Variants in TENM1 observed in about 807,000 individuals in gnomAD.
TENM1 encodes teneurin-1.
TENM1 carries 35 observed loss-of-function variants against 174.8 expected under a neutral mutation model. The ratio of observed to expected loss-of-function variants is 0.20; its 90% CI spans 0.15 to 0.27. The LOEUF (loss-of-function observed/expected upper bound fraction) is 0.27, where lower values mean the gene tolerates loss of function less well. Ranked by LOEUF, TENM1 falls within the 10% of genes least tolerant of loss-of-function variation. The probability of loss-of-function intolerance (pLI) is 1.00; values close to 1 mark genes in which losing one functional copy is unlikely to be tolerated. For synonymous variants in TENM1, 781 were observed against 798.7 expected, an observed-to-expected ratio of 0.98 and a Z score of 0.37; for missense variants, 1,633 against 2,130.1, an observed-to-expected ratio of 0.77 and a Z score of 4.59.
At chrX:124,618,214 T>C (rs1042990182) in intron 11 of TENM1, among the ~76,000 whole-genome samples, 3 of 111,637 alleles carry the variant, frequency 2.7e-5, no homozygotes, top group Non-Finnish European at 5.6e-5. Context: ...TATTGGATTA[T>C]CCATCCTATC....
the TENM1 span, among the ~76,000 whole-genome samples, chrX:125,066,767 T>C: frequency 5.3e-5 from 6 of 112,221 alleles, no homozygotes; most frequent in Non-Finnish European, 1.1e-4. Context: ...ATGCTACATA[T>C]TCAGTGCAGA....
At chrX:124,581,255 C>T (rs376454739) in intron 11 of TENM1, among the ~76,000 whole-genome samples, 7 of 109,534 alleles carry the variant, frequency 6.4e-5, no homozygotes, top group African/African-American at 2.3e-4. Flanking sequence ...TTAGTAGAGA[C>T]AGGGTTTCAC....
At chrX:124,655,682 A>G (rs6649274) in intron 6 of TENM1, among the ~76,000 whole-genome samples, 1 of 112,642 alleles carries the variant, frequency 8.9e-6, no homozygotes, top group East Asian at 2.8e-4. Flanking sequence ...GTTAAGGCCA[A>G]CAGTAATAAC....
Position 124,778,209 on chromosome X carries a change from G to A in TENM1, c.536-41012C>T, listed in dbSNP as rs751957280. Reference sequence around the variant, plus strand: ...CCTGGAGAATCTGCAACTGGCCTGCGCACTGGGAGGACGAGGTGGAGCCCC... The same window carrying A: ...CCTGGAGAATCTGCAACTGGCCTGCACACTGGGAGGACGAGGTGGAGCCCC... On this transcript the variant is annotated intron_variant, in intron 3 of 31. Coordinates refer to ENST00000422452, the Ensembl canonical transcript of TENM1. 1.7e-4 allele frequency among the ~76,000 whole-genome samples: 19 copies of A among 112,767 alleles called. No individual in the cohort carries two copies. In the South Asian group the frequency reaches 4.0e-3, roughly 24 times the overall value.
In TENM1 at chrX:124,400,575, T is replaced by A. The variant is rs73546618; in HGVS notation, c.5391+4456A>T. Among the ~76,000 whole-genome samples the A allele has an allele frequency of 3.8e-3, 428 of 112,412 alleles. 3 individuals are homozygous for A. Among genetic ancestry groups the A allele is most frequent in the African/African-American group, 0.013 (397 of 30,931 alleles). The stretch of plus-strand genomic sequence containing the variant: ...TTTTATAATTTTGGTCATAAAGTGC[T>A]AAGCCCCCTCCATTGTTTTTCTTTT... On this transcript the variant is annotated intron_variant, in intron 27 of 31. Transcript: ENST00000422452.
chrX:125,040,651 GTCC>G, the TENM1 span, among the ~76,000 whole-genome samples: 1 of 111,045 alleles, frequency 9.0e-6, no homozygotes, highest in South Asian at 3.7e-4. Context: ...ATCATCAACT[GTCC>G]TCCTAATTAG....
chrX:124,497,065 CA>C lies in TENM1; in HGVS notation c.3645del (p.Phe1215LeufsTer2). On this transcript the variant is annotated frameshift_variant, in exon 20 of 32. Transcript: ENST00000422452. LOFTEE classifies it high-confidence loss of function. ...TTTCCCGAGGGAAATATTCTCCTTA[CA>C]AAATTGAAGTCGCCAACATACACAC... 8.3e-7 allele frequency: 1 copy of C among 1,209,900 alleles called. No homozygotes were observed. Among genetic ancestry groups the C allele is most frequent in the Non-Finnish European group, 1.1e-6 (1 of 894,284 alleles).
At chrX:124,947,961 A>C (rs1720913972) in intron 1 of TENM1, among the ~76,000 whole-genome samples, 1 of 112,110 alleles carries the variant, frequency 8.9e-6, no homozygotes, top group Non-Finnish European at 1.9e-5. Flanking sequence ...TTAGTTAGGA[A>C]GGCCATCTGT....
chrX:124,426,784 G>A (rs994015195), intron 23 of TENM1, among the ~76,000 whole-genome samples: 1 of 112,255 alleles, frequency 8.9e-6, no homozygotes, highest in African/African-American at 3.2e-5. Context: ...ATGTTCTACA[G>A]AGCCTTTCAG....
At chrX:125,195,622 A>G in the TENM1 span, among the ~76,000 whole-genome samples, 4 of 111,577 alleles carry the variant, frequency 3.6e-5, no homozygotes, top group Non-Finnish European at 5.7e-5. Flanking sequence ...GTCACACCTA[A>G]GTGTTGCGAT....
In TENM1 at chrX:124,398,223, TA is replaced by T. The variant is rs1210784703; in HGVS notation, c.5392-5876del. 1.7e-3 allele frequency among the ~76,000 whole-genome samples: 164 copies of T among 96,885 alleles called. 1 individual carries two copies. Among genetic ancestry groups the T allele is most frequent in the Middle Eastern group, 5.0e-3 (1 of 201 alleles). The allele number at this position is 96,885 out of a possible 115,157, so 84.1% of individuals were successfully genotyped here. Reference sequence around the variant, plus strand: ...AGCCTGGGCGACAGAGCAAGACTCTTAAAAAAAAAAAAAAGTCACAGTTGAT... The same window carrying T: ...AGCCTGGGCGACAGAGCAAGACTCTTAAAAAAAAAAAAAGTCACAGTTGAT... On this transcript the variant is annotated intron_variant, in intron 27 of 31. Transcript: ENST00000422452.
intron 1 of TENM1, among the ~76,000 whole-genome samples, chrX:124,915,595 T>A (rs1188155401): frequency 8.9e-6 from 1 of 112,399 alleles, no homozygotes; most frequent in African/African-American, 3.2e-5. Context: ...ATAACCAGTA[T>A]CCAAAAAACT....
At chrX:125,069,935 G>T in the TENM1 span, among the ~76,000 whole-genome samples, 5 of 110,437 alleles carry the variant, frequency 4.5e-5, no homozygotes, top group African/African-American at 9.9e-5. Flanking sequence ...GTAATAGCCA[G>T]ATTGGCCTGG....
chrX:124,431,872 A>G (rs1253153229), intron 23 of TENM1, among the ~76,000 whole-genome samples: 1 of 112,210 alleles, frequency 8.9e-6, no homozygotes, highest in Non-Finnish European at 1.9e-5. Context: ...GGTCAAATGC[A>G]TTGGCATGGT....
chrX:124,525,463 G>A (rs1332739882), intron 16 of TENM1, among the ~76,000 whole-genome samples: 2 of 111,853 alleles, frequency 1.8e-5, no homozygotes, highest in Non-Finnish European at 3.8e-5. Context: ...TGTTCTTGGG[G>A]AAGTTTATCT....
intron 3 of TENM1, among the ~76,000 whole-genome samples, chrX:124,849,423 T>TTCTC (rs764565999): frequency 4.0e-5 from 4 of 99,669 alleles, no homozygotes; most frequent in Admixed American, 1.0e-4. Context: ...CTTTCTTTTT[T>TTCTC]TCTCTCTCTC....
the TENM1 span, among the ~76,000 whole-genome samples, chrX:125,054,879 G>A: frequency 1.1e-3 from 127 of 111,473 alleles, no homozygotes; most frequent in African/African-American, 3.9e-3. Context: ...GAGACAGTTC[G>A]GTGGCAAGTG....
chrX:124,381,396 T>C, intron 31 of TENM1, 102 bp from the exon 35 acceptor site: 2 of 802,676 alleles, frequency 2.5e-6, no homozygotes, highest in Non-Finnish European at 1.8e-6. Flanking sequence ...CTTCCTTCTC[T>C]CTTTAATTTG....
chrX:124,847,337 G>A (rs138520666), intron 3 of TENM1, among the ~76,000 whole-genome samples: 1,159 of 111,595 alleles, frequency 0.01, 12 homozygotes, highest in African/African-American at 0.036. Flanking sequence ...TATAAATCTT[G>A]TTTAATCATT....
Sources: allele counts gnomAD v4.1 joint callset (sites outside exome capture counted in the v4.1 genomes callset), GRCh38; gene constraint gnomAD v4.1.1; transcripts MANE v1.5; gene names NCBI Gene and HGNC (gene_info 2026-07-23, HGNC 2026-07-21).